The following CLASP1 variants were observed in gnomAD, a reference collection of about 807,000 sequenced individuals.
The protein encoded by CLASP1 is CLIP-associating protein 1.
In CLASP1, 38 loss-of-function variants were observed where a neutral mutation model predicts 192.3. The observed-to-expected ratio is 0.20, with a 90% CI of 0.15 to 0.26. The LOEUF is 0.26. Among genes scored for constraint, CLASP1 ranks in the 10% least tolerant of loss-of-function variants. CLASP1 has a pLI of 1.00. For synonymous variants in CLASP1, 691 were observed against 712.8 expected, an observed-to-expected ratio of 0.97 and a Z score of 0.49; for missense variants, 1,433 against 1,932.5, an observed-to-expected ratio of 0.74 and a Z score of 4.85.
chr2:121,631,178 A>AAAAAAG (rs2069560942), intron 1 of CLASP1, among the ~76,000 whole-genome samples: 1 of 150,526 alleles, frequency 6.6e-6, no homozygotes, highest in African/African-American at 2.4e-5. Context: ...AAAAAAAAAA[A>AAAAAAG]AAAAGAAATG....
intron 2 of CLASP1, among the ~76,000 whole-genome samples, chr2:121,601,430 C>T (rs1277837723): frequency 2.0e-5 from 3 of 152,060 alleles, no homozygotes; most frequent in African/African-American, 7.2e-5. Context: ...TGCCACCATG[C>T]CCAGCTAATT....
At chr2:121,395,396 T>A (rs1486616424) in intron 30 of CLASP1, among the ~76,000 whole-genome samples, 1 of 152,242 alleles carries the variant, frequency 6.6e-6, no homozygotes, top group African/African-American at 2.4e-5. Context: ...AATTTCCATA[T>A]GGGTATTTAT....
chr2:121,417,989 A>C (rs1327104258), intron 23 of CLASP1, among the ~76,000 whole-genome samples: 1 of 152,244 alleles, frequency 6.6e-6, no homozygotes, highest in African/African-American at 2.4e-5. Flanking sequence ...TCTGTACAGC[A>C]CTTAACATGG....
chr2:121,484,445 C>T (rs2092831633), intron 8 of CLASP1, among the ~76,000 whole-genome samples: 1 of 152,284 alleles, frequency 6.6e-6, no homozygotes, highest in Non-Finnish European at 1.5e-5. Context: ...AACAAACATC[C>T]CATGGTCCCC....
At chr2:121,549,542 A>C (rs1330442310) in intron 2 of CLASP1, among the ~76,000 whole-genome samples, 1 of 152,094 alleles carries the variant, frequency 6.6e-6, no homozygotes, top group Non-Finnish European at 1.5e-5. Context: ...CAAGGCAGAA[A>C]ATTTATAAAG....
intron 8 of CLASP1, among the ~76,000 whole-genome samples, chr2:121,497,460 C>A (rs990983815): frequency 7.9e-5 from 12 of 152,110 alleles, no homozygotes; most frequent in Non-Finnish European, 1.6e-4. Context: ...GTAGCTGTTT[C>A]ACATACAGTT....
At chr2:121,419,296 G>A (rs1040308102) in intron 22 of CLASP1, among the ~76,000 whole-genome samples, 7 of 152,128 alleles carry the variant, frequency 4.6e-5, no homozygotes, top group African/African-American at 1.2e-4. Context: ...CAGAGAGAGA[G>A]CCTACCCACT....
intron 2 of CLASP1, among the ~76,000 whole-genome samples, chr2:121,538,767 A>G (rs1160166350): frequency 3.3e-5 from 5 of 151,576 alleles, no homozygotes; most frequent in Non-Finnish European, 5.9e-5. Context: ...CCTGGGCGAC[A>G]GAGCAAGACT....
At chr2:121,616,983 C>T (rs7594288) in intron 1 of CLASP1, among the ~76,000 whole-genome samples, 36,093 of 152,004 alleles carry the variant, frequency 0.24, 6,527 homozygotes, top group African/African-American at 0.51. Context: ...CAGAAGTTTG[C>T]AGAAAATGCT....
At chr2:121,514,625 TCAGG>T (rs754459578) in intron 7 of CLASP1, among the ~76,000 whole-genome samples, 5 of 152,150 alleles carry the variant, frequency 3.3e-5, no homozygotes, top group Admixed American at 6.5e-5. Context: ...CAATTCCAGA[TCAGG>T]CATGACTCTC....
At chr2:121,343,860 C>G (rs1456995244) in intron 39 of CLASP1, among the ~76,000 whole-genome samples, 2 of 152,084 alleles carry the variant, frequency 1.3e-5, no homozygotes, top group Non-Finnish European at 1.5e-5. Context: ...CACTTGAGGT[C>G]GAGAGTTCGA....
chr2:121,457,747 ATG>A lies in CLASP1; in HGVS notation c.1323_1324del (p.Ile442ProfsTer2). On this transcript the variant is annotated frameshift_variant, in exon 14 of 40. Transcript: ENST00000263710. LOFTEE classifies it high-confidence loss of function. Reference sequence around the variant, plus strand: ...TGTTATGACAGGTATTAACCTAGGGATGTGTGTGTGCTGTGAAGAACAACAAA... The same window carrying A: ...TGTTATGACAGGTATTAACCTAGGGATGTGTGTGCTGTGAAGAACAACAAA... 1 of 1,612,902 alleles carries A rather than the reference ATG, an allele frequency of 6.2e-7. No homozygotes were observed. The highest frequency in any genetic ancestry group is 8.5e-7 in the Non-Finnish European group (1 of 1,179,046).
chr2:121,644,154 T>C (rs1164577430), intron 1 of CLASP1, among the ~76,000 whole-genome samples: 1 of 152,144 alleles, frequency 6.6e-6, no homozygotes, highest in Non-Finnish European at 1.5e-5. Flanking sequence ...CTCACCCTCA[T>C]TTTACAGATG....
intron 1 of CLASP1, among the ~76,000 whole-genome samples, chr2:121,622,918 T>C (rs1559797827): frequency 1.3e-5 from 2 of 152,138 alleles, no homozygotes; most frequent in Non-Finnish European, 2.9e-5. Flanking sequence ...TAAAGCTAAG[T>C]GTCAAAGAGA....
chr2:121,631,179 AAAAG>A, intron 1 of CLASP1, among the ~76,000 whole-genome samples: 1 of 150,456 alleles, frequency 6.6e-6, no homozygotes, highest in African/African-American at 2.4e-5. Flanking sequence ...AAAAAAAAAA[AAAAG>A]AAATGAGAAG....
At chr2:121,509,020 G>A (rs2094030317) in intron 7 of CLASP1, among the ~76,000 whole-genome samples, 6 of 152,280 alleles carry the variant, frequency 3.9e-5, no homozygotes, top group Admixed American at 3.3e-4. Context: ...GAGAGAAATA[G>A]ATAATTCAAC....
At chr2:121,373,576 T>C (rs1004940675) in intron 34 of CLASP1, among the ~76,000 whole-genome samples, 17 of 152,158 alleles carry the variant, frequency 1.1e-4, no homozygotes, top group African/African-American at 4.1e-4. Flanking sequence ...AGAGACTTGT[T>C]GAATAGTTGT....
At chr2:121,646,531 A>C (rs1466415965) in intron 1 of CLASP1, among the ~76,000 whole-genome samples, 1 of 152,210 alleles carries the variant, frequency 6.6e-6, no homozygotes, top group African/African-American at 2.4e-5. Flanking sequence ...AGTTTCAGTA[A>C]CTCAGTTGAA....
chr2:121,445,924 G>A (rs2084243935), intron 19 of CLASP1, among the ~76,000 whole-genome samples: 1 of 152,088 alleles, frequency 6.6e-6, no homozygotes, highest in South Asian at 2.1e-4. Context: ...AAATACTAAA[G>A]GTGGATCTAA....
Sources: allele counts gnomAD v4.1 joint callset (sites outside exome capture counted in the v4.1 genomes callset), GRCh38; gene constraint gnomAD v4.1.1; transcripts MANE v1.5; gene names NCBI Gene and HGNC (gene_info 2026-07-23, HGNC 2026-07-21).